Variants in GRIN2A observed in about 807,000 individuals in gnomAD.
The protein encoded by GRIN2A is glutamate receptor ionotropic, NMDA 2A.
GRIN2A carries 22 observed loss-of-function variants against 113.4 expected under a neutral mutation model. The ratio of observed to expected loss-of-function variants is 0.19; its 90% CI spans 0.14 to 0.28. The LOEUF is 0.28. GRIN2A is among the 10% of genes least tolerant of loss of function. The pLI is 1.00. For missense variants in GRIN2A, 1,502 were observed against 1,887.0 expected, an observed-to-expected ratio of 0.80 and a Z score of 3.78; for synonymous variants, 827 against 738.4, an observed-to-expected ratio of 1.12 and a Z score of -1.94.
In GRIN2A at chr16:9,885,075, C is replaced by T. The variant is rs543135786; in HGVS notation, c.1122+5911G>A. ...ACTGGCCCAAGTTCACCCTTCTCTC[C>T]GCCTATGTAGCACTTATAGCCATTT... On this transcript the variant is annotated intron_variant, in intron 4 of 12. Coordinates refer to ENST00000330684, the MANE Select transcript of GRIN2A (RefSeq NM_001134407.3). 2.0e-4 allele frequency among the ~76,000 whole-genome samples: 30 copies of T among 152,114 alleles called. No homozygotes were observed. In the South Asian group the frequency reaches 5.8e-3, roughly 30 times the overall value.
At chr16:9,786,254 G>A (rs1165290647) in intron 11 of GRIN2A, among the ~76,000 whole-genome samples, 4 of 152,248 alleles carry the variant, frequency 2.6e-5, no homozygotes, top group South Asian at 2.1e-4. Context: ...AGCCTGTATC[G>A]AGGCCAAACA....
intron 2 of GRIN2A, among the ~76,000 whole-genome samples, chr16:9,974,295 G>C (rs905561351): frequency 5.3e-5 from 8 of 152,142 alleles, no homozygotes; most frequent in African/African-American, 1.4e-4. Flanking sequence ...AATCAGGCCT[G>C]GGCCTGCCTG....
intron 2 of GRIN2A, 70 bp from the exon 3 acceptor site, chr16:9,938,621 C>T (rs922910089): frequency 3.7e-5 from 40 of 1,072,656 alleles, no homozygotes; most frequent in Non-Finnish European, 5.1e-5. Flanking sequence ...CAAACTGCGT[C>T]CTAGAAGTAA....
chr16:10,027,919 G>A (rs1284089791), intron 2 of GRIN2A, among the ~76,000 whole-genome samples: 1 of 152,132 alleles, frequency 6.6e-6, no homozygotes, highest in Non-Finnish European at 1.5e-5. Flanking sequence ...CCCTCGAGCT[G>A]TCCCCACTGC....
chr16:10,004,123 G>A (rs2046366318), intron 2 of GRIN2A, among the ~76,000 whole-genome samples: 1 of 152,122 alleles, frequency 6.6e-6, no homozygotes, highest in Admixed American at 6.5e-5. Context: ...CGGCATGGTG[G>A]CTCACACCTG....
intron 2 of GRIN2A, among the ~76,000 whole-genome samples, chr16:10,040,766 C>G (rs143036025): frequency 2.6e-5 from 4 of 152,244 alleles, no homozygotes; most frequent in Non-Finnish European, 5.9e-5. Flanking sequence ...GCAACCCTCA[C>G]GCAGCTGCGC....
chr16:10,039,125 C>T (rs1455544662), intron 2 of GRIN2A, among the ~76,000 whole-genome samples: 2 of 152,078 alleles, frequency 1.3e-5, no homozygotes, highest in African/African-American at 4.8e-5. Flanking sequence ...GCAGACATCC[C>T]CTCCCACCCC....
intron 2 of GRIN2A, among the ~76,000 whole-genome samples, chr16:9,994,632 G>C (rs941271648): frequency 1.3e-5 from 2 of 152,208 alleles, no homozygotes; most frequent in African/African-American, 4.8e-5. Context: ...GCAAATAGAA[G>C]AGAAGACCAT....
intron 2 of GRIN2A, among the ~76,000 whole-genome samples, chr16:10,147,533 G>C (rs886403242): frequency 2.0e-5 from 3 of 150,342 alleles, no homozygotes. Flanking sequence ...CTACTCAGGA[G>C]CCTGAGGTGG....
At chr16:10,084,850 C>G (rs1444986316) in intron 2 of GRIN2A, among the ~76,000 whole-genome samples, 1 of 152,012 alleles carries the variant, frequency 6.6e-6, no homozygotes, top group Non-Finnish European at 1.5e-5. Flanking sequence ...CAACTGGGAC[C>G]TAGGTCAGTG....
chr16:10,043,602 C>A (rs1211913625), intron 2 of GRIN2A, among the ~76,000 whole-genome samples: 1 of 152,136 alleles, frequency 6.6e-6, no homozygotes, highest in East Asian at 1.9e-4. Flanking sequence ...GCTAGGGAAG[C>A]TTCTGCAACC....
chr16:9,903,137 T>A lies in GRIN2A; in HGVS notation c.1008-12037A>T, dbSNP rs1012040945. Among the ~76,000 whole-genome samples, 10 of 151,882 alleles carry A rather than the reference T, an allele frequency of 6.6e-5. 1 individual carries two copies. The highest frequency in any genetic ancestry group is 3.9e-4 in the East Asian group (2 of 5,132). On this transcript the variant is annotated intron_variant, in intron 3 of 12. Coordinates refer to ENST00000330684, the MANE Select transcript of GRIN2A (RefSeq NM_001134407.3). ...TCGCGTGCCACCATGCCCAGCTAAT[T>A]TTTTTGTATTTTTAGTAGAGACGGG... is the stretch of plus-strand genomic sequence containing the variant.
intron 9 of GRIN2A, among the ~76,000 whole-genome samples, 195 bp downstream of exon 9, chr16:9,829,228 C>A (rs2042442889): frequency 6.6e-6 from 1 of 152,142 alleles, no homozygotes; most frequent in East Asian, 1.9e-4. Flanking sequence ...TCTTTTAGGT[C>A]TAGGAGAGCT....
intron 4 of GRIN2A, among the ~76,000 whole-genome samples, chr16:9,879,465 A>G (rs1193170976): frequency 6.6e-6 from 1 of 152,206 alleles, no homozygotes; most frequent in African/African-American, 2.4e-5. Flanking sequence ...CCAGAGAATC[A>G]GTGCAGCCAA....
intron 2 of GRIN2A, among the ~76,000 whole-genome samples, chr16:9,956,075 T>C (rs1002666990): frequency 1.4e-4 from 22 of 152,202 alleles, no homozygotes; most frequent in Admixed American, 4.6e-4. Context: ...TCTCAGGGGC[T>C]TGAATCAGCC....
At chr16:10,168,729 G>A (rs1330762752) in intron 2 of GRIN2A, among the ~76,000 whole-genome samples, 2 of 152,106 alleles carry the variant, frequency 1.3e-5, no homozygotes, top group East Asian at 1.9e-4. Context: ...ACTTTAGGAG[G>A]CCAAAGCGGG....
chr16:9,849,991 G>A (rs376123843), intron 4 of GRIN2A, 30 bp from the exon 5 acceptor site: 2 of 1,573,312 alleles, frequency 1.3e-6, no homozygotes, highest in Non-Finnish European at 1.7e-6. Context: ...ACACAGCTGT[G>A]CTTTCTTCCG....
At chr16:9,980,915 C>G (rs955384494) in intron 2 of GRIN2A, among the ~76,000 whole-genome samples, 3 of 151,324 alleles carry the variant, frequency 2.0e-5, no homozygotes, top group African/African-American at 4.9e-5. Flanking sequence ...GTGCAGCACA[C>G]CAACATGGCA....
intron 12 of GRIN2A, among the ~76,000 whole-genome samples, chr16:9,765,311 T>C (rs1165541113): frequency 6.6e-6 from 1 of 152,138 alleles, no homozygotes; most frequent in East Asian, 1.9e-4. Flanking sequence ...ATCCAAGCTT[T>C]CATTAAAGTT....
Sources: gnomAD v4.1 joint callset for allele counts (sites outside exome capture counted in the v4.1 genomes callset) on GRCh38, gnomAD v4.1.1 for gene constraint, MANE v1.5 for transcripts, NCBI Gene and HGNC (gene_info 2026-07-23, HGNC 2026-07-21) for gene names.